The following DIO1 variants were observed in gnomAD, a reference collection of about 807,000 sequenced individuals.
DIO1 encodes the protein type I iodothyronine deiodinase.
A neutral mutation model predicts 25.9 loss-of-function variants in DIO1; 17 were observed. The ratio of observed to expected loss-of-function variants is 0.66; its 90% CI spans 0.45 to 0.98. The LOEUF (loss-of-function observed/expected upper bound fraction) is 0.98. DIO1 is among the 50% of genes least tolerant of loss of function. The pLI is 0.00. For synonymous variants in DIO1, 115 were observed against 114.0 expected (o/e 1.01, Z -0.05); for missense variants, 270 against 310.4 (o/e 0.87, Z 0.98).
intron 1 of DIO1, among the ~76,000 whole-genome samples, chr1:53,898,295 G>A (rs1177052135): frequency 6.6e-6 from 1 of 152,132 alleles, no homozygotes; most frequent in Admixed American, 6.5e-5. Context: ...GGTCCCAGAG[G>A]CAGGAAGGGG....
At chr1:53,905,183 T>TTC (rs1481580894) in intron 2 of DIO1, among the ~76,000 whole-genome samples, 11,043 of 149,100 alleles carry the variant, frequency 0.074, 385 homozygotes, top group Non-Finnish European at 0.097. Flanking sequence ...TTTTTTTTTT[T>TTC]TTTGAGATAG....
intron 1 of DIO1, among the ~76,000 whole-genome samples, chr1:53,899,734 A>G (rs1463341864): frequency 1.3e-5 from 2 of 152,064 alleles, no homozygotes. Context: ...CTGGAGTGCA[A>G]TGGCACGATC....
At chr1:53,904,934 T>G (rs1651573102) in intron 2 of DIO1, 125 bp downstream of exon 2, 2 of 1,072,120 alleles carry the variant, frequency 1.9e-6, no homozygotes, top group Admixed American at 2.4e-5. Context: ...AAAGAGCCAC[T>G]ATTCACTGAG....
intron 1 of DIO1, among the ~76,000 whole-genome samples, chr1:53,897,677 C>A (rs1651149428): frequency 1.3e-5 from 2 of 151,750 alleles, no homozygotes; most frequent in Admixed American, 6.6e-5. Flanking sequence ...CAGAGTGGAA[C>A]CCTGTCTCTA....
At chr1:53,895,604 TG>T (rs762502831) in intron 1 of DIO1, among the ~76,000 whole-genome samples, 1 of 152,184 alleles carries the variant, frequency 6.6e-6, no homozygotes, top group Non-Finnish European at 1.5e-5. Flanking sequence ...AGCTTGTGAA[TG>T]GCTGCCAGAT....
intron 1 of DIO1, among the ~76,000 whole-genome samples, chr1:53,895,808 G>A (rs1651043391): frequency 6.6e-6 from 1 of 152,182 alleles, no homozygotes; most frequent in South Asian, 2.1e-4. Flanking sequence ...TACATCTCTT[G>A]TACTTTCCCT....
intron 1 of DIO1, among the ~76,000 whole-genome samples, chr1:53,899,600 GT>G (rs1265443003): frequency 1.3e-5 from 2 of 152,176 alleles, no homozygotes; most frequent in African/African-American, 2.4e-5. Context: ...TGGATGTTGA[GT>G]TTTTTTCCCA....
At position 53,894,632 on chromosome 1, in the gene DIO1, TCTC is replaced by T. The variant is rs1266223579; in HGVS notation, c.337+88_337+90del. ...AGAGATGGGTTGGAAAGTCCTGAAT[TCTC>T]CTACTACTTTTGCTGCTCCTTTTGG... On this transcript the variant is annotated intron_variant, in intron 1 of 3. Coordinates refer to ENST00000361921, the MANE Select transcript of DIO1 (RefSeq NM_000792.7). This position sits in a 1 kb window ranked among gnomAD's most constrained non-coding sequence, Gnocchi z 4.9. The T allele has an allele frequency of 6.3e-6, 8 of 1,274,214 alleles. No individual in the cohort carries two copies. The Admixed American group carries it at 1.9e-4, about 30-fold the overall frequency. The allele number at this position is 1,274,214 out of a possible 1,614,324, so 78.9% of individuals were successfully genotyped here.
rs201420507 is a variant in DIO1 at position 53,906,216 on chromosome 1, G to T, written c.603G>T (p.Met201Ile). ...AGTGCCCTGTGGTGGTGGACACCAT[G>T]CAGAACCAGAGCAGCCAGCTCTACG... ...SPQCPVVVDT[M>I]QNQSSQLYAA... Residue 201 changes from methionine (M) to isoleucine (I), a missense_variant, in exon 3 of 4, where the codon ATG becomes ATT. Physicochemically the swap from Met to Ile is conservative, Grantham distance 10. Coordinates refer to ENST00000361921, the MANE Select transcript of DIO1 (RefSeq NM_000792.7). The T allele has an allele frequency of 6.2e-7, 1 of 1,614,226 alleles. No homozygotes were observed.
At chr1:53,895,926 T>G (rs906274276) in intron 1 of DIO1, among the ~76,000 whole-genome samples, 14 of 152,282 alleles carry the variant, frequency 9.2e-5, no homozygotes, top group Non-Finnish European at 2.1e-4. Context: ...CACCTTGTCC[T>G]CCATGAAGCC....
chr1:53,898,360 G>A (rs533482808), intron 1 of DIO1, among the ~76,000 whole-genome samples: 50 of 152,290 alleles, frequency 3.3e-4, no homozygotes, highest in African/African-American at 1.1e-3. Flanking sequence ...GGCCTTGTGT[G>A]TCGTAGCTGC....
In DIO1 at chr1:53,904,649, G is replaced by A; in HGVS notation, c.338-17G>A. ...TGTGTGTAGGGTCTCAGTTTGTGAT[G>A]GTTGTTGCTGTTTCAGGTAATAGGC... is the stretch of plus-strand genomic sequence containing the variant. On this transcript the variant is annotated splice_polypyrimidine_tract_variant and intron_variant, in intron 1 of 3. Transcript: ENST00000361921. The A allele has an allele frequency of 6.2e-7, 1 of 1,610,472 alleles. No individual in the cohort carries two copies. Among genetic ancestry groups the A allele is most frequent in the African/African-American group, 1.3e-5 (1 of 74,746 alleles).
In DIO1 at chr1:53,909,397, CAG is replaced by C. The variant is rs531269610; in HGVS notation, c.682-531_682-530del. 3.2e-3 allele frequency among the ~76,000 whole-genome samples: 494 copies of C among 152,064 alleles called. 3 individuals carry two copies. The highest frequency in any genetic ancestry group is 0.012 in the African/African-American group (483 of 41,484). On this transcript the variant is annotated intron_variant, in intron 3 of 3. Transcript: ENST00000361921. Reference sequence around the variant, plus strand: ...CGCCATTGCACTCCAGCCTGGGCAACAGAGCGAGACTCTGTCTCAAAAAAAAA... The same window carrying C: ...CGCCATTGCACTCCAGCCTGGGCAACAGCGAGACTCTGTCTCAAAAAAAAA...
intron 1 of DIO1, among the ~76,000 whole-genome samples, chr1:53,895,845 G>A (rs563098795): frequency 1.3e-5 from 2 of 152,224 alleles, no homozygotes; most frequent in South Asian, 4.2e-4. Flanking sequence ...GACATCGGCT[G>A]GTCAAGAATG....
rs1553158189 is a variant in DIO1 at position 53,903,011 on chromosome 1, T to TGCCCTCCACAGCCTCCCTG, written c.338-1651_338-1650insTCCACAGCCTCCCTGGCCC. On this transcript the variant is annotated intron_variant, in intron 1 of 3. Transcript: ENST00000361921. ...AGGCTCCTGCCTTCCACAGCCTCCC[T>TGCCCTCCACAGCCTCCCTG]GCCCCTCCAGGACATGTTCTCTAAG... The TGCCCTCCACAGCCTCCCTG allele has an allele frequency of 3.0e-4, 45 of 152,444 alleles. 3 individuals carry two copies. The highest frequency in any genetic ancestry group is 1.1e-3 in the African/African-American group (45 of 41,194). The allele number at this position is 152,444 out of a possible 1,614,324, so 9.4% of individuals were successfully genotyped here.
intron 2 of DIO1, 58 bp downstream of exon 2, chr1:53,904,867 T>C: frequency 1.3e-6 from 2 of 1,554,992 alleles, no homozygotes; most frequent in Non-Finnish European, 1.7e-6. Context: ...TCTCTCCCTT[T>C]TCCCCAGGCC....
rs370822442 is a variant in DIO1, at chr1:53,894,191, C to T, written c.-20C>T. ...GCCTCTCTGCCCATAGAACTCAGAG[C>T]TTACTCTGGCTTTGCCGAGATGGGG... On this transcript the variant is annotated 5_prime_UTR_variant, in exon 1 of 4. Transcript: ENST00000361921. The surrounding 1 kb of genome is among the most constrained non-coding windows in gnomAD (Gnocchi z 4.9). 3 of 1,601,762 alleles carry T rather than the reference C, an allele frequency of 1.9e-6. No homozygotes were observed. Among genetic ancestry groups the T allele is most frequent in the African/African-American group, 2.7e-5 (2 of 74,606 alleles).
rs781014968 is a variant in DIO1, at chr1:53,894,563, C to T, written c.337+16C>T. 1 of 1,602,552 alleles carries T rather than the reference C, an allele frequency of 6.2e-7. No individual in the cohort carries two copies. Among genetic ancestry groups the T allele is most frequent in the South Asian group, 1.1e-5 (1 of 89,966 alleles). On this transcript the variant is annotated intron_variant, in intron 1 of 3. Coordinates refer to ENST00000361921, the MANE Select transcript of DIO1 (RefSeq NM_000792.7). The surrounding 1 kb of genome is among the most constrained non-coding windows in gnomAD (Gnocchi z 4.9). Reference sequence around the variant, plus strand: ...TTTATGCAAGGTCAGGAGGCTGCCACACACTTGAGGGGTGCTTGAAATAGC... The same window carrying T: ...TTTATGCAAGGTCAGGAGGCTGCCATACACTTGAGGGGTGCTTGAAATAGC...
At position 53,904,671 on chromosome 1, in the gene DIO1, A is replaced by G. The variant is rs1319687581; in HGVS notation, c.343A>G (p.Arg115Gly). 2 of 1,613,194 alleles carry G rather than the reference A, an allele frequency of 1.2e-6. No individual in the cohort carries two copies. The highest frequency in any genetic ancestry group is 1.7e-6 in the Non-Finnish European group (2 of 1,179,664). ...GATGGTTGTTGCTGTTTCAGGTAATAGGCCACTGGTGCTGAATTTTGGAAG... is the reference window on the plus strand; with the variant it reads ...GATGGTTGTTGCTGTTTCAGGTAATGGGCCACTGGTGCTGAATTTTGGAAG... ...CNIWEFMQGN[R>G]PLVLNFGSCT... Residue 115 changes from arginine to glycine, a missense_variant, in exon 2 of 4, where the codon AGG becomes GGG. Physicochemically the swap from Arg to Gly is moderately radical, Grantham distance 125. Coordinates refer to ENST00000361921, the MANE Select transcript of DIO1 (RefSeq NM_000792.7).
Sources: gnomAD v4.1 joint callset for allele counts (sites outside exome capture counted in the v4.1 genomes callset) on GRCh38, gnomAD v4.1.1 for gene constraint, Gnocchi (gnomAD v3.1) non-coding constraint, MANE v1.5 for transcripts, NCBI Gene and HGNC (gene_info 2026-07-23, HGNC 2026-07-21) for gene names.